The following TRHDE variants were observed in gnomAD, a reference collection of about 807,000 sequenced individuals.
TRHDE encodes the protein thyrotropin-releasing hormone-degrading ectoenzyme.
In TRHDE, 72 loss-of-function variants were observed where a neutral mutation model predicts 125.7. The ratio of observed to expected loss-of-function variants is 0.57; its 90% CI spans 0.47 to 0.70. TRHDE has a LOEUF of 0.70. TRHDE is among the 30% of genes least tolerant of loss of function. The pLI, the probability that TRHDE is intolerant of heterozygous loss-of-function variation, is 0.00. For synonymous variants in TRHDE, 509 were observed against 509.1 expected, an observed-to-expected ratio of 1.00 and a Z score of 0.00; for missense variants, 1,110 against 1,327.1, an observed-to-expected ratio of 0.84 and a Z score of 2.54.
At chr12:72,517,298 A>G (rs1335339040) in intron 6 of TRHDE, among the ~76,000 whole-genome samples, 1 of 151,306 alleles carries the variant, frequency 6.6e-6, no homozygotes, top group African/African-American at 2.4e-5. Context: ...TTGGTAAGCT[A>G]TTGATTATTG....
At chr12:72,662,976 A>G in intron 18 of TRHDE, 76 bp from the exon 19 acceptor site, 4 of 1,429,686 alleles carry the variant, frequency 2.8e-6, no homozygotes, top group Non-Finnish European at 3.8e-6. Context: ...TTTCAAATAG[A>G]TTCTTGTTCA....
chr12:72,153,673 C>T (rs1202254346), intron 2 of TRHDE, among the ~76,000 whole-genome samples: 5 of 152,064 alleles, frequency 3.3e-5, no homozygotes, highest in Admixed American at 3.3e-4. Context: ...CATTCAGGAG[C>T]AGGTTGTTCA....
intron 2 of TRHDE, among the ~76,000 whole-genome samples, chr12:72,338,072 A>G (rs946862588): frequency 6.6e-6 from 1 of 152,162 alleles, no homozygotes; most frequent in Non-Finnish European, 1.5e-5. Context: ...GTTTCAGATG[A>G]CTTTTTGTAC....
At chr12:72,203,977 C>T (rs563655022) in intron 2 of TRHDE, among the ~76,000 whole-genome samples, 3 of 152,166 alleles carry the variant, frequency 2.0e-5, no homozygotes, top group Non-Finnish European at 2.9e-5. Context: ...TGAGGATCTC[C>T]ATATTACTAC....
At chr12:72,124,951 G>A (rs1190424520) in intron 2 of TRHDE, among the ~76,000 whole-genome samples, 1 of 152,096 alleles carries the variant, frequency 6.6e-6, no homozygotes, top group African/African-American at 2.4e-5. Flanking sequence ...CAAAAGATAT[G>A]AACTTTTTTC....
chr12:72,346,566 G>T (rs1870338039), intron 2 of TRHDE, among the ~76,000 whole-genome samples: 1 of 151,990 alleles, frequency 6.6e-6, no homozygotes, highest in Non-Finnish European at 1.5e-5. Flanking sequence ...GAATGGCTCT[G>T]TTTTCTCAAG....
At chr12:72,533,611 C>CT (rs1029273549) in intron 6 of TRHDE, among the ~76,000 whole-genome samples, 3 of 149,410 alleles carry the variant, frequency 2.0e-5, no homozygotes, top group African/African-American at 4.9e-5. Context: ...TCCTTTTCTT[C>CT]TTTTTTACCT....
Position 72,667,631 on chromosome 12 carries a change from A to G in TRHDE, c.*4436A>G, listed in dbSNP as rs1199937559. On this transcript the variant is annotated 3_prime_UTR_variant, in exon 19 of 19. Coordinates refer to ENST00000261180, the MANE Select transcript of TRHDE (RefSeq NM_013381.3). ...ATTCCTTGCTACAGACGGGAAGTCA[A>G]TCATTTTTAGGTATACATAATATTA... 1.3e-5 allele frequency: 2 copies of G among 151,776 alleles called. No individual in the cohort carries two copies. Among genetic ancestry groups the G allele is most frequent in the Non-Finnish European group, 1.5e-5 (1 of 67,782 alleles). 9.4% of individuals were successfully genotyped at this position (151,776 alleles called of 1,614,324 possible).
At chr12:72,313,253 G>A (rs950948842) in intron 2 of TRHDE, among the ~76,000 whole-genome samples, 13 of 151,876 alleles carry the variant, frequency 8.6e-5, no homozygotes, top group Non-Finnish European at 1.6e-4. Context: ...TAGAACACCT[G>A]ATAGACCAAA....
chr12:72,156,435 G>A (rs1211593960), intron 2 of TRHDE, among the ~76,000 whole-genome samples: 1 of 152,176 alleles, frequency 6.6e-6, no homozygotes, highest in East Asian at 1.9e-4. Flanking sequence ...CCAGTGAGAT[G>A]AACCTGGTAC....
chr12:72,276,209 T>C (rs899493168), intron 1 of TRHDE, among the ~76,000 whole-genome samples: 1 of 152,160 alleles, frequency 6.6e-6, no homozygotes, highest in Non-Finnish European at 1.5e-5. Context: ...GCAATGTAAA[T>C]TGGCATTTTA....
At chr12:72,347,267 G>C (rs1490159570) in intron 2 of TRHDE, among the ~76,000 whole-genome samples, 2 of 152,098 alleles carry the variant, frequency 1.3e-5, no homozygotes, top group East Asian at 3.9e-4. Context: ...GAAAGATGCT[G>C]TGGTCCTGGA....
intron 3 of TRHDE, among the ~76,000 whole-genome samples, chr12:72,453,322 G>A (rs1875674172): frequency 6.6e-6 from 1 of 152,172 alleles, no homozygotes. Context: ...GGGATATGTG[G>A]AAGTTTGAAC....
intron 2 of TRHDE, among the ~76,000 whole-genome samples, chr12:72,349,107 T>C (rs528930428): frequency 6.6e-6 from 1 of 152,204 alleles, no homozygotes; most frequent in South Asian, 2.1e-4. Context: ...TCATTTCTAC[T>C]GTGGATTTTA....
chr12:72,136,760 T>C (rs770879583), intron 2 of TRHDE, among the ~76,000 whole-genome samples: 16 of 152,210 alleles, frequency 1.1e-4, no homozygotes, highest in Admixed American at 2.0e-4. Flanking sequence ...AGTCGTTGTA[T>C]GGAGGAGAAA....
intron 2 of TRHDE, among the ~76,000 whole-genome samples, chr12:72,195,141 A>G (rs1877415465): frequency 6.6e-6 from 1 of 152,090 alleles, no homozygotes; most frequent in Non-Finnish European, 1.5e-5. Flanking sequence ...GAACTTGCTC[A>G]CTATAATGAG....
At chr12:72,294,466 G>T (rs1313146918) in intron 2 of TRHDE, among the ~76,000 whole-genome samples, 1 of 152,142 alleles carries the variant, frequency 6.6e-6, no homozygotes, top group African/African-American at 2.4e-5. Context: ...CTCTGCAGCT[G>T]GTCATCCCGT....
intron 3 of TRHDE, among the ~76,000 whole-genome samples, chr12:72,431,274 A>G (rs1373489389): frequency 6.6e-6 from 1 of 152,172 alleles, no homozygotes; most frequent in Non-Finnish European, 1.5e-5. Context: ...AGTATAGTCA[A>G]TGGATGTACT....
At chr12:72,501,274 A>AT (rs1306820000) in intron 6 of TRHDE, among the ~76,000 whole-genome samples, 1 of 152,044 alleles carries the variant, frequency 6.6e-6, no homozygotes, top group African/African-American at 2.4e-5. Flanking sequence ...GCTGTTCCTA[A>AT]TTTTAGAAGC....
Sources: gnomAD v4.1 joint callset for allele counts (sites outside exome capture counted in the v4.1 genomes callset) on GRCh38, gnomAD v4.1.1 for gene constraint, MANE v1.5 for transcripts, NCBI Gene and HGNC (gene_info 2026-07-23, HGNC 2026-07-21) for gene names.